VPS13B: variants seen among roughly 807,000 people sequenced by gnomAD.
The protein encoded by VPS13B is intermembrane lipid transfer protein VPS13B.
VPS13B carries 285 observed loss-of-function variants against 426.4 expected under a neutral mutation model. The observed-to-expected ratio is 0.67, with a 90% CI of 0.61 to 0.74. The LOEUF is 0.74. VPS13B is among the 30% of genes least tolerant of loss of function. VPS13B has a pLI of 0.00. For missense variants in VPS13B, 4,537 were observed against 4,782.6 expected (o/e 0.95, Z 1.51); for synonymous variants, 1,676 against 1,676.4 (o/e 1.00, Z 0.01).
chr8:99,513,004 A>G (rs2133642170), intron 29 of VPS13B, among the ~76,000 whole-genome samples: 1 of 151,050 alleles, frequency 6.6e-6, no homozygotes, highest in South Asian at 2.1e-4. Context: ...GCAAGACGCC[A>G]TCTCAAGTGG....
intron 35 of VPS13B, chr8:99,697,738 C>T (rs1301704209): frequency 1.8e-5 from 11 of 622,946 alleles, no homozygotes; most frequent in Admixed American, 8.5e-5. Flanking sequence ...TGGCCTAGGG[C>T]GCGCCCGTAG....
At chr8:99,421,220 A>T (rs1362345201) in intron 21 of VPS13B, among the ~76,000 whole-genome samples, 1 of 152,176 alleles carries the variant, frequency 6.6e-6, no homozygotes, top group Non-Finnish European at 1.5e-5. Context: ...CATCCCCAAG[A>T]TATAATTGTT....
chr8:99,517,752 C>G (rs979868722), intron 29 of VPS13B, among the ~76,000 whole-genome samples: 1 of 152,002 alleles, frequency 6.6e-6, no homozygotes, highest in African/African-American at 2.4e-5. Flanking sequence ...GGAAGGAAGG[C>G]ATTCATTTTC....
chr8:99,031,850 A>G (rs1377313083), intron 2 of VPS13B, among the ~76,000 whole-genome samples: 1 of 152,232 alleles, frequency 6.6e-6, no homozygotes, highest in Non-Finnish European at 1.5e-5. Context: ...TGCCAGGGCT[A>G]TTGAGCCCCA....
chr8:99,737,123 T>TC, intron 39 of VPS13B, among the ~76,000 whole-genome samples: 1 of 118,840 alleles, frequency 8.4e-6, no homozygotes, highest in East Asian at 2.3e-4. Context: ...TTTTTTTTTT[T>TC]TTTTTTTTTT....
At chr8:99,412,573 G>A (rs1815741895) in intron 21 of VPS13B, among the ~76,000 whole-genome samples, 2 of 152,092 alleles carry the variant, frequency 1.3e-5, no homozygotes, top group African/African-American at 4.8e-5. Flanking sequence ...TCTTTCTCAT[G>A]CCTGATTGCC....
At chr8:99,480,283 A>G (rs1353988545) in intron 24 of VPS13B, among the ~76,000 whole-genome samples, 4 of 152,162 alleles carry the variant, frequency 2.6e-5, no homozygotes, top group African/African-American at 9.7e-5. Flanking sequence ...TTTGCATGGC[A>G]CTTTAAACAC....
chr8:99,161,732 C>CTTT (rs374438896), intron 15 of VPS13B, among the ~76,000 whole-genome samples: 16 of 131,062 alleles, frequency 1.2e-4, no homozygotes, highest in African/African-American at 3.7e-4. Flanking sequence ...GTACTAAATC[C>CTTT]TTTTTTTTTT....
intron 56 of VPS13B, 126 bp from the exon 57 acceptor site, chr8:99,859,178 G>T (rs1816703356): frequency 8.4e-7 from 1 of 1,184,922 alleles, no homozygotes; most frequent in East Asian, 2.4e-5. Context: ...TTCTTCCAAA[G>T]AAACAGATTA....
At chr8:99,422,087 G>A (rs1014452018) in intron 21 of VPS13B, among the ~76,000 whole-genome samples, 1 of 152,116 alleles carries the variant, frequency 6.6e-6, no homozygotes, top group Non-Finnish European at 1.5e-5. Context: ...GCTTGACAGA[G>A]TTTTATGTAG....
At chr8:99,034,361 G>T (rs1357057729) in intron 2 of VPS13B, among the ~76,000 whole-genome samples, 4 of 151,862 alleles carry the variant, frequency 2.6e-5, no homozygotes, top group African/African-American at 9.7e-5. Context: ...TCTTTGGCAT[G>T]GGATATATAC....
intron 39 of VPS13B, among the ~76,000 whole-genome samples, chr8:99,734,696 AC>A (rs1377717323): frequency 6.6e-6 from 1 of 152,228 alleles, no homozygotes; most frequent in Non-Finnish European, 1.5e-5. Context: ...ATGAATCAGG[AC>A]ATACTATATA....
At chr8:99,763,873 C>A (rs1038357725) in intron 39 of VPS13B, among the ~76,000 whole-genome samples, 1 of 152,192 alleles carries the variant, frequency 6.6e-6, no homozygotes, top group Non-Finnish European at 1.5e-5. Flanking sequence ...TCCGCATATC[C>A]ATTCTCCCCT....
At chr8:99,016,340 C>T (rs1841611465) in intron 2 of VPS13B, among the ~76,000 whole-genome samples, 1 of 152,178 alleles carries the variant, frequency 6.6e-6, no homozygotes, top group Non-Finnish European at 1.5e-5. Context: ...TTACCAACAA[C>T]TTATAAGCAT....
chr8:99,142,896 A>G, intron 12 of VPS13B, 78 bp from the exon 13 acceptor site: 1 of 1,461,934 alleles, frequency 6.8e-7, no homozygotes, highest in Admixed American at 2.1e-5. Context: ...AGCTATAAAA[A>G]TGAGAGAAGA....
chr8:99,202,890 T>C (rs1176295616), intron 17 of VPS13B, among the ~76,000 whole-genome samples: 2 of 151,690 alleles, frequency 1.3e-5, no homozygotes, highest in African/African-American at 4.8e-5. Flanking sequence ...AAAAATTAAC[T>C]GGGCGTGGTG....
intron 30 of VPS13B, among the ~76,000 whole-genome samples, chr8:99,544,160 G>A (rs564854793): frequency 5.9e-5 from 9 of 152,046 alleles, no homozygotes; most frequent in Non-Finnish European, 7.4e-5. Flanking sequence ...CACGTCCTTT[G>A]TAGGGACATG....
At chr8:99,620,947 C>T (rs1588558195) in intron 33 of VPS13B, among the ~76,000 whole-genome samples, 1 of 142,324 alleles carries the variant, frequency 7.0e-6, no homozygotes, top group Non-Finnish European at 1.5e-5. Context: ...GACTGTGCTG[C>T]TGCACTCCAG....
intron 19 of VPS13B, among the ~76,000 whole-genome samples, chr8:99,318,060 A>C (rs1021395898): frequency 6.6e-6 from 1 of 152,208 alleles, no homozygotes; most frequent in Non-Finnish European, 1.5e-5. Context: ...AGTAGTTTTC[A>C]AACTCAGATA....
Sources: allele counts gnomAD v4.1 joint callset (sites outside exome capture counted in the v4.1 genomes callset), GRCh38; gene constraint gnomAD v4.1.1; transcripts MANE v1.5; gene names NCBI Gene and HGNC (gene_info 2026-07-23, HGNC 2026-07-21).